The following EYA3 variants were observed in gnomAD, a reference collection of about 807,000 sequenced individuals.
EYA3 encodes the protein EYA transcriptional coactivator and phosphatase 3.
In EYA3, 39 loss-of-function variants were observed where a neutral mutation model predicts 80.0. The observed-to-expected ratio is 0.49, with a 90% CI of 0.38 to 0.64. The LOEUF is 0.64. Ranked by LOEUF, EYA3 falls within the 30% of genes least tolerant of loss-of-function variation. The probability of loss-of-function intolerance (pLI) is 0.00; values close to 1 mark genes in which losing one functional copy is unlikely to be tolerated. For missense variants in EYA3, 523 were observed against 676.1 expected (o/e 0.77, Z 2.51); for synonymous variants, 206 against 232.8 (o/e 0.88, Z 1.05).
At chr1:28,052,553 A>C (rs1308145488) in intron 2 of EYA3, among the ~76,000 whole-genome samples, 1 of 152,234 alleles carries the variant, frequency 6.6e-6, no homozygotes, top group African/African-American at 2.4e-5. Flanking sequence ...CTCGTACCTC[A>C]AGCCATATGC....
chr1:28,035,443 T>C, intron 6 of EYA3, 101 bp downstream of exon 6: 1 of 1,317,910 alleles, frequency 7.6e-7, no homozygotes, highest in South Asian at 1.5e-5. Flanking sequence ...CCCAACCACA[T>C]ATGTAACTAA....
At chr1:28,010,472 C>A (rs572124872) in intron 10 of EYA3, among the ~76,000 whole-genome samples, 1 of 152,266 alleles carries the variant, frequency 6.6e-6, no homozygotes, top group East Asian at 1.9e-4. Context: ...CTCACTGCAG[C>A]CTCAACCTGC....
chr1:28,038,439 TAAAAAAAA>T (rs74525723), intron 5 of EYA3, among the ~76,000 whole-genome samples: 7 of 68,480 alleles, frequency 1.0e-4, no homozygotes, highest in Non-Finnish European at 2.0e-4. Flanking sequence ...GATTCTATCT[TAAAAAAAA>T]AAAAAAAAAA....
At position 28,084,734 on chromosome 1, in the gene EYA3, G is replaced by A. The variant is rs568350271; in HGVS notation, c.-69+3790C>T. Among the ~76,000 whole-genome samples the A allele has an allele frequency of 1.2e-3, 179 of 146,764 alleles. 2 individuals carry two copies. The highest frequency in any genetic ancestry group is 4.1e-3 in the African/African-American group (164 of 39,936). ...AGCAATTCTCCTGCCTCAGTCTCCC[G>A]AGTAGCTGGGACTACAGGCATACGC... On this transcript the variant is annotated intron_variant, in intron 1 of 17. Transcript: ENST00000373871.
chr1:28,016,003 G>A lies in EYA3; in HGVS notation c.585+1151C>T, dbSNP rs986786811. On this transcript the variant is annotated intron_variant, in intron 8 of 17. Coordinates refer to ENST00000373871, the MANE Select transcript of EYA3 (RefSeq NM_001990.4). ...ACATTAAAGAAAAAAATGTCAATCA[G>A]TTGGAAGCTGTAATTATCATGAGGG... Among the ~76,000 whole-genome samples the A allele has an allele frequency of 2.6e-5, 4 of 152,304 alleles. No homozygotes were observed. In the East Asian group the frequency reaches 7.7e-4, roughly 29 times the overall value.
At chr1:27,989,629 C>T (rs1036583661) in intron 15 of EYA3, 68 bp downstream of exon 15, 2 of 1,017,426 alleles carry the variant, frequency 2.0e-6, no homozygotes, top group Non-Finnish European at 3.0e-6. Context: ...TAGAGAATGG[C>T]TTATCCTGAA....
intron 5 of EYA3, 79 bp from the exon 6 acceptor site, chr1:28,035,759 T>A: frequency 7.5e-7 from 1 of 1,340,164 alleles, no homozygotes; most frequent in Non-Finnish European, 1.1e-6. Context: ...CTACCACCAC[T>A]AACAGCAAAG....
At chr1:28,003,606 C>T (rs1641053297) in intron 11 of EYA3, among the ~76,000 whole-genome samples, 1 of 152,146 alleles carries the variant, frequency 6.6e-6, no homozygotes, top group African/African-American at 2.4e-5. Context: ...TGGGGTCTCG[C>T]TAAGTTGCCC....
chr1:28,029,510 T>G (rs1642988898), intron 6 of EYA3, among the ~76,000 whole-genome samples: 1 of 152,216 alleles, frequency 6.6e-6, no homozygotes, highest in Non-Finnish European at 1.5e-5. Context: ...TCCAAGGATA[T>G]TCTTTATGAG....
chr1:28,043,481 T>G (rs1041358954), intron 3 of EYA3, among the ~76,000 whole-genome samples: 3 of 152,156 alleles, frequency 2.0e-5, no homozygotes, highest in Non-Finnish European at 2.9e-5. Context: ...TAGGGAGACG[T>G]TTGATTTCAG....
At chr1:27,994,495 C>T (rs746730742) in intron 13 of EYA3, among the ~76,000 whole-genome samples, 5 of 151,848 alleles carry the variant, frequency 3.3e-5, no homozygotes, top group Admixed American at 6.6e-5. Context: ...GGTCCCGCCT[C>T]GGCCAACATG....
chr1:27,977,181 A>G (rs1434544721), intron 17 of EYA3: 1 of 1,459,408 alleles, frequency 6.9e-7, no homozygotes, highest in East Asian at 2.5e-5. Context: ...GCACTTTAGA[A>G]TCAAAGCTTC....
At chr1:27,989,526 G>A (rs1639891719) in intron 15 of EYA3, among the ~76,000 whole-genome samples, 171 bp downstream of exon 15, 1 of 152,146 alleles carries the variant, frequency 6.6e-6, no homozygotes, top group Non-Finnish European at 1.5e-5. Flanking sequence ...TAGAAGTTGT[G>A]CTGTTAACAT....
intron 3 of EYA3, among the ~76,000 whole-genome samples, chr1:28,047,884 C>T (rs1467593280): frequency 6.6e-6 from 1 of 152,078 alleles, no homozygotes; most frequent in Non-Finnish European, 1.5e-5. Flanking sequence ...CGTGATCTGC[C>T]CGCCTCAGCC....
chr1:28,048,756 T>C (rs191106821), intron 2 of EYA3, among the ~76,000 whole-genome samples: 4 of 152,296 alleles, frequency 2.6e-5, no homozygotes. Flanking sequence ...CAAATTATAT[T>C]TAAACAAACA....
At chr1:28,081,701 G>GTT (rs1044289544) in intron 1 of EYA3, among the ~76,000 whole-genome samples, 5 of 152,238 alleles carry the variant, frequency 3.3e-5, no homozygotes, top group African/African-American at 1.2e-4. Context: ...GGCACAACAG[G>GTT]TGAAGCTGAC....
chr1:28,040,358 C>T lies in EYA3; in HGVS notation c.158-1453G>A, dbSNP rs113598070. 7.7e-3 allele frequency among the ~76,000 whole-genome samples: 1,168 copies of T among 152,118 alleles called. 9 individuals carry two copies. Among genetic ancestry groups the T allele is most frequent in the Middle Eastern group, 0.051 (15 of 292 alleles). ...TGTATGTCACGGGGGCTAAAGGAAT[C>T]GAAAGTTCTTTTTTGAAGATCTTAG... On this transcript the variant is annotated intron_variant, in intron 4 of 17. Coordinates refer to ENST00000373871, the MANE Select transcript of EYA3 (RefSeq NM_001990.4).
intron 11 of EYA3, among the ~76,000 whole-genome samples, chr1:28,002,073 G>A (rs1401525546): frequency 6.6e-6 from 1 of 152,032 alleles, no homozygotes; most frequent in Non-Finnish European, 1.5e-5. Flanking sequence ...GTGCCACCAC[G>A]CCCAGCTAAT....
chr1:28,018,372 C>A (rs184926049), intron 7 of EYA3, among the ~76,000 whole-genome samples: 53 of 152,250 alleles, frequency 3.5e-4, no homozygotes, highest in African/African-American at 1.0e-3. Context: ...AGTGACTTTT[C>A]TCAGGTGAAC....
Sources: allele counts gnomAD v4.1 joint callset (sites outside exome capture counted in the v4.1 genomes callset), GRCh38; gene constraint gnomAD v4.1.1; transcripts MANE v1.5; gene names NCBI Gene and HGNC (gene_info 2026-07-23, HGNC 2026-07-21).